The following GTF2F2 variants were observed in gnomAD, a reference collection of about 807,000 sequenced individuals.
GTF2F2 encodes the protein ATP-dependent helicase GTF2F2.
In GTF2F2, 23 loss-of-function variants were observed where a neutral mutation model predicts 42.2. The observed-to-expected ratio is 0.55, with a 90% CI of 0.39 to 0.77. GTF2F2 has a LOEUF of 0.77. GTF2F2 is among the 30% of genes least tolerant of loss of function. GTF2F2 has a pLI of 0.00. For synonymous variants in GTF2F2, 105 were observed against 100.8 expected (o/e 1.04, Z -0.25); for missense variants, 261 against 287.2 (o/e 0.91, Z 0.66).
chr13:45,178,571 A>G (rs886122839), intron 4 of GTF2F2, among the ~76,000 whole-genome samples: 1 of 151,550 alleles, frequency 6.6e-6, no homozygotes, highest in Non-Finnish European at 1.5e-5. Flanking sequence ...CGTGTTTGGC[A>G]TTATATTTAT....
At chr13:45,198,365 T>C (rs960483860) in intron 4 of GTF2F2, among the ~76,000 whole-genome samples, 4 of 152,188 alleles carry the variant, frequency 2.6e-5, no homozygotes, top group Non-Finnish European at 5.9e-5. Flanking sequence ...TGGAAGGAAG[T>C]GAAACCTTAC....
At position 45,152,114 on chromosome 13, in the gene GTF2F2, C is replaced by T. The variant is rs191412538; in HGVS notation, c.304+283C>T. Among the ~76,000 whole-genome samples the T allele has an allele frequency of 6.3e-4, 96 of 152,092 alleles. 2 individuals carry two copies. Among genetic ancestry groups the T allele is most frequent in the South Asian group, 6.0e-3 (29 of 4,816 alleles). ...GTTTTTAGTAGAGACGAGGTTTCTC[C>T]ATGTTGGTCAGGCTGGTCTCTAACT... On this transcript the variant is annotated intron_variant, in intron 4 of 7. Transcript: ENST00000340473.
chr13:45,204,020 T>C (rs1242435808), intron 4 of GTF2F2, among the ~76,000 whole-genome samples: 2 of 152,196 alleles, frequency 1.3e-5, no homozygotes, highest in African/African-American at 2.4e-5. Context: ...TTTTTCACTC[T>C]CATTCTCTAG....
chr13:45,151,869 C>T lies in GTF2F2; in HGVS notation c.304+38C>T, dbSNP rs199522536. On this transcript the variant is annotated intron_variant, in intron 4 of 7. Coordinates refer to ENST00000340473, the MANE Select transcript of GTF2F2 (RefSeq NM_004128.3). ...GGAATTATTTAATGTGATTCCTGTA[C>T]ATTTTGTATAGATTTTCTGTCTCAA... The T allele has an allele frequency of 3.2e-4, 174 of 540,294 alleles. 1 individual carries two copies. The highest frequency in any genetic ancestry group is 2.4e-3 in the Admixed American group (68 of 28,832). The allele number at this position is 540,294 out of a possible 1,614,324, so 33.5% of individuals were successfully genotyped here. A position where few individuals can be genotyped will look rare whatever the true frequency, so the allele number is the denominator to read the frequency against.
intron 2 of GTF2F2, among the ~76,000 whole-genome samples, chr13:45,140,359 A>G (rs1003311030): frequency 6.6e-6 from 1 of 152,186 alleles, no homozygotes; most frequent in Non-Finnish European, 1.5e-5. Context: ...ATGATTGAGT[A>G]TATGTTCATA....
At chr13:45,217,428 C>A (rs1873942181) in intron 5 of GTF2F2, among the ~76,000 whole-genome samples, 1 of 151,866 alleles carries the variant, frequency 6.6e-6, no homozygotes, top group Non-Finnish European at 1.5e-5. Flanking sequence ...TCACATTTTG[C>A]TTTTTATTTT....
At chr13:45,209,297 TTACAG>T (rs1873539673) in intron 5 of GTF2F2, among the ~76,000 whole-genome samples, 2 of 152,354 alleles carry the variant, frequency 1.3e-5, no homozygotes, top group South Asian at 4.1e-4. Flanking sequence ...ACAGTATTCA[TTACAG>T]TAATGTGTAG....
chr13:45,272,834 G>A (rs890370249), intron 7 of GTF2F2, among the ~76,000 whole-genome samples: 5 of 150,536 alleles, frequency 3.3e-5, no homozygotes, highest in African/African-American at 7.3e-5. Context: ...ATAGCTCGCT[G>A]TCACTTCAAT....
At chr13:45,163,770 A>T (rs888988233) in intron 4 of GTF2F2, among the ~76,000 whole-genome samples, 1 of 152,170 alleles carries the variant, frequency 6.6e-6, no homozygotes, top group African/African-American at 2.4e-5. Context: ...AATGCCATGT[A>T]ACTGATTTTT....
intron 1 of GTF2F2, among the ~76,000 whole-genome samples, chr13:45,126,383 C>G (rs746364732): frequency 6.6e-6 from 1 of 151,714 alleles, no homozygotes; most frequent in Non-Finnish European, 1.5e-5. Context: ...TCCTGAGTAG[C>G]TGGGATTACA....
intron 1 of GTF2F2, among the ~76,000 whole-genome samples, chr13:45,122,053 AT>A (rs1868667951): frequency 6.6e-6 from 1 of 152,188 alleles, no homozygotes; most frequent in African/African-American, 2.4e-5. Context: ...ACCATGGGGA[AT>A]GGAACAGAAA....
intron 1 of GTF2F2, among the ~76,000 whole-genome samples, chr13:45,130,299 G>A (rs1474765858): frequency 1.3e-5 from 2 of 152,194 alleles, no homozygotes; most frequent in Non-Finnish European, 2.9e-5. Context: ...TTGCAAAATA[G>A]AATGATGATA....
chr13:45,153,219 C>T (rs1274501657), intron 4 of GTF2F2, among the ~76,000 whole-genome samples: 1 of 151,468 alleles, frequency 6.6e-6, no homozygotes, highest in Non-Finnish European at 1.5e-5. Context: ...GGGGTTTCAC[C>T]GTGTTAGCCA....
intron 4 of GTF2F2, among the ~76,000 whole-genome samples, chr13:45,186,486 T>C (rs1472317967): frequency 6.6e-6 from 1 of 151,130 alleles, no homozygotes; most frequent in Non-Finnish European, 1.5e-5. Context: ...AGAGACGGGG[T>C]TTCATCATGT....
chr13:45,174,424 C>G (rs961051856), intron 4 of GTF2F2, among the ~76,000 whole-genome samples: 8 of 152,072 alleles, frequency 5.3e-5, no homozygotes, highest in Non-Finnish European at 1.2e-4. Flanking sequence ...TGCCAGGTAT[C>G]CCTCCTTGAT....
At chr13:45,230,042 C>T (rs946247003) in intron 5 of GTF2F2, among the ~76,000 whole-genome samples, 1 of 152,066 alleles carries the variant, frequency 6.6e-6, no homozygotes, top group South Asian at 2.1e-4. Context: ...ATGGTGAAAC[C>T]TTATCTCTAC....
chr13:45,274,474 A>C (rs527618148), intron 7 of GTF2F2, among the ~76,000 whole-genome samples: 13 of 151,906 alleles, frequency 8.6e-5, no homozygotes, highest in South Asian at 8.3e-4. Flanking sequence ...TTACAGGCAC[A>C]TGCCACCACA....
chr13:45,261,203 G>C (rs1876328006), intron 6 of GTF2F2, among the ~76,000 whole-genome samples: 1 of 152,078 alleles, frequency 6.6e-6, no homozygotes, highest in Non-Finnish European at 1.5e-5. Flanking sequence ...GCAGTGGGCG[G>C]ATCATGAGAT....
intron 4 of GTF2F2, among the ~76,000 whole-genome samples, chr13:45,173,271 T>C (rs1348886088): frequency 4.6e-5 from 7 of 152,148 alleles, no homozygotes; most frequent in Non-Finnish European, 1.0e-4. Flanking sequence ...AGTGGTAATA[T>C]TGCAATTCAT....
Sources: allele counts gnomAD v4.1 joint callset (sites outside exome capture counted in the v4.1 genomes callset), GRCh38; gene constraint gnomAD v4.1.1; transcripts MANE v1.5; gene names NCBI Gene and HGNC (gene_info 2026-07-23, HGNC 2026-07-21).